EPB41L2: variants seen among roughly 807,000 people sequenced by gnomAD.
EPB41L2 encodes band 4.1-like protein 2.
A neutral mutation model predicts 113.0 loss-of-function variants in EPB41L2; 43 were observed. That is an observed-to-expected ratio of 0.38 (90% CI 0.30 to 0.49). The LOEUF (loss-of-function observed/expected upper bound fraction) is 0.49, where lower values mean the gene tolerates loss of function less well. EPB41L2 is among the 20% of genes least tolerant of loss of function. EPB41L2 has a pLI of 0.95. For synonymous variants in EPB41L2, 442 were observed against 436.7 expected (o/e 1.01, Z -0.15); for missense variants, 1,147 against 1,223.4 (o/e 0.94, Z 0.93).
At chr6:130,963,663 G>A (rs1774206467) in intron 1 of EPB41L2, among the ~76,000 whole-genome samples, 1 of 152,128 alleles carries the variant, frequency 6.6e-6, no homozygotes, top group South Asian at 2.1e-4. Flanking sequence ...AAAGACCTGT[G>A]CCAGGCAAAG....
intron 1 of EPB41L2, among the ~76,000 whole-genome samples, chr6:131,061,599 G>C (rs1798667638): frequency 6.6e-6 from 1 of 152,146 alleles, no homozygotes. Context: ...CCTGCAAAGG[G>C]AAACTGAATA....
chr6:130,958,701 T>G (rs1434275576), intron 1 of EPB41L2, among the ~76,000 whole-genome samples: 2 of 152,126 alleles, frequency 1.3e-5, no homozygotes, highest in African/African-American at 2.4e-5. Context: ...AATAATCCAC[T>G]GTACAAGTGA....
intron 3 of EPB41L2, among the ~76,000 whole-genome samples, chr6:130,929,857 T>TCTCACACACACA (rs1491200686): frequency 2.3e-4 from 28 of 123,370 alleles, no homozygotes; most frequent in African/African-American, 3.5e-4. Context: ...AGACAGACAG[T>TCTCACACACACA]CACACACACA....
At chr6:130,884,867 A>G (rs1282012732) in intron 12 of EPB41L2, among the ~76,000 whole-genome samples, 3 of 152,262 alleles carry the variant, frequency 2.0e-5, no homozygotes, top group Non-Finnish European at 4.4e-5. Flanking sequence ...GGACAGTCAA[A>G]AAGGCCAGTA....
chr6:130,891,608 G>T (rs1001467806), intron 10 of EPB41L2, among the ~76,000 whole-genome samples: 3 of 151,970 alleles, frequency 2.0e-5, no homozygotes, highest in African/African-American at 7.3e-5. Context: ...ATGCCACCAT[G>T]CCCAGCTAAT....
chr6:130,891,802 C>G (rs1174930718), intron 10 of EPB41L2, among the ~76,000 whole-genome samples: 1 of 152,096 alleles, frequency 6.6e-6, no homozygotes, highest in Non-Finnish European at 1.5e-5. Context: ...AGCTGATTGG[C>G]TATCAATTAA....
chr6:130,886,656 C>T lies in EPB41L2; in HGVS notation c.1661-1388G>A, dbSNP rs749928852. 7.5e-4 allele frequency among the ~76,000 whole-genome samples: 112 copies of T among 149,906 alleles called. 1 individual carries two copies. Among genetic ancestry groups the T allele is most frequent in the African/African-American group, 2.6e-3 (108 of 41,230 alleles). On this transcript the variant is annotated intron_variant, in intron 11 of 19. Coordinates refer to ENST00000337057, the MANE Select transcript of EPB41L2 (RefSeq NM_001431.4). ...TTGTTGTTGTTGTTTGTTTTTGAGACACAGTCTCGCTCTGTCACCCAGGCT... is the reference window on the plus strand; with the variant it reads ...TTGTTGTTGTTGTTTGTTTTTGAGATACAGTCTCGCTCTGTCACCCAGGCT...
intron 19 of EPB41L2, among the ~76,000 whole-genome samples, chr6:130,848,191 TCTCTCTCTCACACA>T (rs1367665483): frequency 8.8e-6 from 1 of 114,032 alleles, no homozygotes; most frequent in Admixed American, 9.5e-5. Context: ...TGTCTCTCTC[TCTCTCTCTCACACA>T]CACACACACA....
chr6:131,037,258 C>T (rs909871550), intron 1 of EPB41L2, among the ~76,000 whole-genome samples: 1 of 152,180 alleles, frequency 6.6e-6, no homozygotes, highest in Non-Finnish European at 1.5e-5. Flanking sequence ...TAAATTAGGG[C>T]TGCTGCCCTG....
At chr6:130,864,751 C>T (rs377535435) in intron 17 of EPB41L2, among the ~76,000 whole-genome samples, 8 of 150,426 alleles carry the variant, frequency 5.3e-5, no homozygotes, top group African/African-American at 9.7e-5. Flanking sequence ...TGCATTTATG[C>T]GGCATTTTTA....
intron 3 of EPB41L2, among the ~76,000 whole-genome samples, chr6:130,947,796 C>T (rs1241151707): frequency 6.6e-6 from 1 of 152,092 alleles, no homozygotes; most frequent in Non-Finnish European, 1.5e-5. Flanking sequence ...TGATACTAAG[C>T]AAGCAACGGG....
intron 4 of EPB41L2, 90 bp from the exon 5 acceptor site, chr6:130,908,953 C>T (rs981667663): frequency 4.5e-5 from 47 of 1,048,250 alleles, no homozygotes; most frequent in Admixed American, 1.6e-4. Flanking sequence ...TAAGTGTAAA[C>T]ACATTTTAAT....
intron 3 of EPB41L2, among the ~76,000 whole-genome samples, chr6:130,945,892 C>T (rs9388870): frequency 0.78 from 118,783 of 152,058 alleles, 46,901 homozygotes; most frequent in East Asian, 1. Flanking sequence ...TTAGCAGCAA[C>T]ATCATAAAGA....
intron 9 of EPB41L2, 43 bp from the exon 10 acceptor site, chr6:130,894,484 A>G (rs1486131752): frequency 3.2e-6 from 5 of 1,556,254 alleles, no homozygotes; most frequent in Non-Finnish European, 4.4e-6. Flanking sequence ...TTCCTTAAGA[A>G]CTGACTAGAA....
intron 1 of EPB41L2, among the ~76,000 whole-genome samples, chr6:131,012,331 A>G (rs1376131207): frequency 6.7e-6 from 1 of 150,064 alleles, no homozygotes; most frequent in Non-Finnish European, 1.5e-5. Flanking sequence ...GGGTTTCTCA[A>G]CCTCCGCACT....
Position 130,895,123 on chromosome 6 carries a change from C to A in EPB41L2, c.1237-4G>T, listed in dbSNP as rs932585708. ...TGATGTCCACACCTTCTGAGTCCTG[C>A]CAAGCATAACCCAATTAACCATGGT... On this transcript the variant is annotated splice_polypyrimidine_tract_variant and splice_region_variant and intron_variant, in intron 8 of 19. Coordinates refer to ENST00000337057, the MANE Select transcript of EPB41L2 (RefSeq NM_001431.4). The A allele has an allele frequency of 1.2e-6, 2 of 1,603,350 alleles. No homozygotes were observed. Among genetic ancestry groups the A allele is most frequent in the African/African-American group, 2.7e-5 (2 of 74,518 alleles).
At chr6:131,013,239 GA>G (rs56287133) in intron 1 of EPB41L2, among the ~76,000 whole-genome samples, 75,359 of 150,326 alleles carry the variant, frequency 0.5, 20,472 homozygotes, top group East Asian at 0.82. Flanking sequence ...GTTAACTAAA[GA>G]AAAAAAAAAA....
intron 1 of EPB41L2, among the ~76,000 whole-genome samples, chr6:130,979,063 A>G (rs553893532): frequency 1.3e-5 from 2 of 152,326 alleles, no homozygotes; most frequent in Non-Finnish European, 2.9e-5. Context: ...CAACACCCAA[A>G]TAATGCATGA....
At chr6:131,031,046 G>A (rs1792053223) in intron 1 of EPB41L2, among the ~76,000 whole-genome samples, 2 of 152,020 alleles carry the variant, frequency 1.3e-5, no homozygotes, top group Admixed American at 1.3e-4. Context: ...GAGCCAAAAT[G>A]GTGCCACTGC....
Sources: gnomAD v4.1 joint callset for allele counts (sites outside exome capture counted in the v4.1 genomes callset) on GRCh38, gnomAD v4.1.1 for gene constraint, MANE v1.5 for transcripts, NCBI Gene and HGNC (gene_info 2026-07-23, HGNC 2026-07-21) for gene names.